TENM2: variants seen among roughly 807,000 people sequenced by gnomAD.
TENM2 encodes the protein teneurin transmembrane protein 2, also known as teneurin-2.
TENM2 carries 52 observed loss-of-function variants against 245.2 expected under a neutral mutation model. That is an observed-to-expected ratio of 0.21 (90% confidence interval 0.17 to 0.27). The LOEUF (loss-of-function observed/expected upper bound fraction) is 0.27, where lower values mean the gene tolerates loss of function less well. Ranked by LOEUF, TENM2 falls within the 10% of genes least tolerant of loss-of-function variation. TENM2 has a pLI of 1.00. For synonymous variants in TENM2, 1,363 were observed against 1,438.9 expected, an observed-to-expected ratio of 0.95 and a Z score of 1.19; for missense variants, 3,046 against 3,666.8, an observed-to-expected ratio of 0.83 and a Z score of 4.37.
intron 2 of TENM2, among the ~76,000 whole-genome samples, chr5:167,561,907 G>C (rs997110865): frequency 6.6e-6 from 1 of 152,202 alleles, no homozygotes; most frequent in Non-Finnish European, 1.5e-5. Context: ...AAGAGAGACA[G>C]AGAGACAGAG....
intron 2 of TENM2, among the ~76,000 whole-genome samples, chr5:167,725,252 TCA>T (rs1419354610): frequency 1.3e-5 from 2 of 152,132 alleles, no homozygotes; most frequent in Non-Finnish European, 2.9e-5. Context: ...GTAAAATGAA[TCA>T]CACTTTTTTT....
intron 2 of TENM2, among the ~76,000 whole-genome samples, chr5:167,845,214 T>G (rs1233802231): frequency 1.4e-5 from 2 of 144,872 alleles, no homozygotes; most frequent in South Asian, 2.4e-4. Context: ...TTATTACCCC[T>G]TCCCCCGAGT....
chr5:167,907,272 A>T (rs1776165170), intron 3 of TENM2, among the ~76,000 whole-genome samples: 1 of 149,462 alleles, frequency 6.7e-6, no homozygotes, highest in African/African-American at 2.5e-5. Flanking sequence ...ACATAAAAAT[A>T]AAAGAAGCAT....
chr5:168,226,293 C>G, intron 24 of TENM2, 30 bp downstream of exon 26: 1 of 1,600,618 alleles, frequency 6.2e-7, no homozygotes, highest in South Asian at 1.1e-5. Flanking sequence ...ATCCTACCCC[C>G]AAACTCACCC....
the TENM2 span, among the ~76,000 whole-genome samples, chr5:167,123,285 A>G: frequency 1.3e-5 from 2 of 152,220 alleles, no homozygotes; most frequent in Non-Finnish European, 2.9e-5. Flanking sequence ...GTGCCACTGC[A>G]GTGCAGCCTG....
intron 2 of TENM2, among the ~76,000 whole-genome samples, chr5:167,461,000 G>A (rs1056341721): frequency 6.6e-6 from 1 of 152,230 alleles, no homozygotes; most frequent in East Asian, 1.9e-4. Flanking sequence ...TTAGCACAAG[G>A]CATCTTTTGA....
At chr5:167,236,665 A>T in the TENM2 span, among the ~76,000 whole-genome samples, 1 of 152,196 alleles carries the variant, frequency 6.6e-6, no homozygotes, top group African/African-American at 2.4e-5. Context: ...GGAGGGCTGA[A>T]TCTGGGAATG....
At chr5:167,745,529 C>G (rs1761497709) in intron 2 of TENM2, among the ~76,000 whole-genome samples, 1 of 152,212 alleles carries the variant, frequency 6.6e-6, no homozygotes, top group African/African-American at 2.4e-5. Flanking sequence ...GTATAATTCA[C>G]ATACCATAAA....
chr5:167,028,859 G>A, the TENM2 span, among the ~76,000 whole-genome samples: 4 of 152,104 alleles, frequency 2.6e-5, no homozygotes, highest in South Asian at 8.3e-4. Context: ...GAGGCAATGT[G>A]ATTGGAGGCC....
chr5:167,425,573 GC>G (rs1427300268), intron 2 of TENM2, among the ~76,000 whole-genome samples: 1 of 152,140 alleles, frequency 6.6e-6, no homozygotes, highest in Non-Finnish European at 1.5e-5. Context: ...CCTCTTAGGT[GC>G]TTTTCAGTTA....
rs745686658 is a variant in TENM2 at position 168,190,534 on chromosome 5, C to T, written c.2767C>T (p.Pro923Ser). The change falls in exon 14 of 29, where the codon CCT (proline) becomes TCT (serine). Residue 923 changes from proline (P) to serine (S), a missense_variant. This residue lies in a region of TENM2 where 2,704 missense variants were observed against 3,331.9 expected (regional missense o/e 0.81). Coordinates refer to ENST00000518659, the Ensembl canonical transcript of TENM2. ...CACCCACATCATTCCTGGAGAGAACCCTTTCAACAGCAGGTAGGCACCCTC... is the reference window on the plus strand; with the variant it reads ...CACCCACATCATTCCTGGAGAGAACTCTTTCAACAGCAGGTAGGCACCCTC... 5 of 1,613,702 alleles carry T rather than the reference C, an allele frequency of 3.1e-6. No homozygotes were observed. In the African/African-American group the frequency reaches 4.0e-5, roughly 13 times the overall value.
chr5:167,312,425 A>G (rs1756091616), intron 1 of TENM2, among the ~76,000 whole-genome samples: 1 of 152,152 alleles, frequency 6.6e-6, no homozygotes, highest in Non-Finnish European at 1.5e-5. Context: ...TTCATGTCAG[A>G]AGGAGCTCTT....
intron 7 of TENM2, among the ~76,000 whole-genome samples, chr5:168,077,912 G>A (rs941429383): frequency 2.6e-5 from 4 of 152,178 alleles, no homozygotes; most frequent in Admixed American, 2.0e-4. Flanking sequence ...CTTTATAGCA[G>A]CATGATTTAT....
intron 1 of TENM2, among the ~76,000 whole-genome samples, chr5:167,370,448 G>A (rs1300145186): frequency 6.6e-6 from 1 of 150,448 alleles, no homozygotes; most frequent in Non-Finnish European, 1.5e-5. Flanking sequence ...TATTTATCAA[G>A]AGAGTTATTT....
At chr5:167,749,944 T>C (rs1052783066) in intron 2 of TENM2, among the ~76,000 whole-genome samples, 5 of 152,174 alleles carry the variant, frequency 3.3e-5, no homozygotes, top group South Asian at 2.1e-4. Flanking sequence ...TCTGGCTACA[T>C]TGCCTATTCT....
At chr5:167,313,201 C>A (rs1360411789) in intron 1 of TENM2, among the ~76,000 whole-genome samples, 2 of 152,118 alleles carry the variant, frequency 1.3e-5, no homozygotes, top group Non-Finnish European at 2.9e-5. Context: ...CCGTGCCCAG[C>A]CTGACCTTGA....
chr5:167,248,934 A>G, the TENM2 span, among the ~76,000 whole-genome samples: 1 of 152,170 alleles, frequency 6.6e-6, no homozygotes, highest in Non-Finnish European at 1.5e-5. Flanking sequence ...CAGGCCCCCA[A>G]AAGAATTTCT....
chr5:167,033,121 C>G, the TENM2 span, among the ~76,000 whole-genome samples: 1 of 152,152 alleles, frequency 6.6e-6, no homozygotes, highest in African/African-American at 2.4e-5. Flanking sequence ...ACATCCTGGA[C>G]AGACAAGTGT....
chr5:167,520,832 C>T (rs549550784), intron 2 of TENM2, among the ~76,000 whole-genome samples: 1 of 151,736 alleles, frequency 6.6e-6, no homozygotes, highest in East Asian at 2.0e-4. Context: ...TTGGGCCTTT[C>T]ACTTTCAGCT....
Sources: gnomAD v4.1 joint callset for allele counts (sites outside exome capture counted in the v4.1 genomes callset) on GRCh38, gnomAD v4.1.1 for gene constraint, gnomAD v4.1.1 regional missense constraint, MANE v1.5 for transcripts, NCBI Gene and HGNC (gene_info 2026-07-23, HGNC 2026-07-21) for gene names.